Variants in MAPK10 observed in about 807,000 individuals in gnomAD.
MAPK10 encodes mitogen-activated protein kinase 10.
In MAPK10, 25 loss-of-function variants were observed where a neutral mutation model predicts 59.3. The observed-to-expected ratio is 0.42, with a 90% CI of 0.31 to 0.59. MAPK10 has a LOEUF of 0.59. Ranked by LOEUF, MAPK10 falls within the 20% of genes least tolerant of loss-of-function variation. The pLI is 0.15. For missense variants in MAPK10, 351 were observed against 568.9 expected, an observed-to-expected ratio of 0.62 and a Z score of 3.90; for synonymous variants, 190 against 200.5, an observed-to-expected ratio of 0.95 and a Z score of 0.44.
chr4:86,420,463 G>A (rs2149032865), intron 1 of MAPK10, among the ~76,000 whole-genome samples: 1 of 152,272 alleles, frequency 6.6e-6, no homozygotes, highest in Admixed American at 6.5e-5. Flanking sequence ...ATGGACTAAT[G>A]AAAAACTAAA....
intron 2 of MAPK10, among the ~76,000 whole-genome samples, chr4:86,216,040 A>G (rs1239760408): frequency 2.0e-5 from 3 of 152,080 alleles, no homozygotes; most frequent in African/African-American, 7.2e-5. Flanking sequence ...TAGTACAGCC[A>G]CCCTGGAAAA....
rs1426852046 is a variant in MAPK10 at position 86,410,183 on chromosome 4, G to C, written c.-122+42847C>G. On this transcript the variant is annotated intron_variant, in intron 1 of 13. Coordinates refer to the MAPK10 transcript ENST00000361569. ...TCATGTGGTTTTTGTCATTGGTTCT[G>C]TTTATGTGATGGATGATGTTTAGTG... 2.0e-5 allele frequency among the ~76,000 whole-genome samples: 3 copies of C among 152,294 alleles called. No individual in the cohort carries two copies. In the East Asian group the frequency reaches 5.8e-4, roughly 29 times the overall value.
At chr4:86,114,717 T>C (rs770385059) in intron 4 of MAPK10, among the ~76,000 whole-genome samples, 2 of 152,158 alleles carry the variant, frequency 1.3e-5, no homozygotes, top group African/African-American at 4.8e-5. Flanking sequence ...GCTGAGCAGG[T>C]TGGGCTGTGC....
At chr4:86,326,252 G>A (rs2096020314) in intron 2 of MAPK10, 1 of 152,244 alleles carries the variant, frequency 6.6e-6, no homozygotes, top group South Asian at 2.1e-4. Flanking sequence ...GGCAGAAGAT[G>A]AGGCTGGCAA....
chr4:86,205,212 C>A (rs528019623), intron 2 of MAPK10, among the ~76,000 whole-genome samples: 16 of 151,950 alleles, frequency 1.1e-4, no homozygotes, highest in African/African-American at 3.6e-4. Flanking sequence ...AACAAAATAG[C>A]CTTTAAGGCA....
At chr4:86,174,276 A>G (rs1257422039) in intron 3 of MAPK10, among the ~76,000 whole-genome samples, 1 of 152,254 alleles carries the variant, frequency 6.6e-6, no homozygotes, top group Non-Finnish European at 1.5e-5. Context: ...ACACCGTGGA[A>G]TACTACGCAG....
intron 1 of MAPK10, among the ~76,000 whole-genome samples, chr4:86,555,890 T>C (rs1392982556): frequency 6.6e-6 from 1 of 152,194 alleles, no homozygotes; most frequent in African/African-American, 2.4e-5. Flanking sequence ...TTTGACTAGA[T>C]ATAAATATAT....
chr4:86,277,626 A>C (rs2094627374), intron 2 of MAPK10, among the ~76,000 whole-genome samples: 1 of 152,140 alleles, frequency 6.6e-6, no homozygotes, highest in Non-Finnish European at 1.5e-5. Flanking sequence ...TTAAGTGTTA[A>C]GTTATATTTG....
At chr4:86,296,917 G>A (rs568042207) in intron 2 of MAPK10, among the ~76,000 whole-genome samples, 29 of 152,210 alleles carry the variant, frequency 1.9e-4, no homozygotes, top group African/African-American at 6.5e-4. Flanking sequence ...TGTATTCTTC[G>A]TATTGGAGGA....
At chr4:86,251,552 C>T (rs2148713654) in intron 2 of MAPK10, among the ~76,000 whole-genome samples, 1 of 134,460 alleles carries the variant, frequency 7.4e-6, no homozygotes, top group South Asian at 2.7e-4. Context: ...ATATGTGCCA[C>T]ATTTTCTTAA....
chr4:86,311,711 T>G (rs2095672544), intron 2 of MAPK10, among the ~76,000 whole-genome samples: 1 of 152,072 alleles, frequency 6.6e-6, no homozygotes, highest in Non-Finnish European at 1.5e-5. Flanking sequence ...GTCACATGCC[T>G]CTCTAAAAAG....
intron 1 of MAPK10, among the ~76,000 whole-genome samples, chr4:86,470,657 A>G (rs1302110445): frequency 6.6e-6 from 1 of 151,748 alleles, no homozygotes; most frequent in Non-Finnish European, 1.5e-5. Flanking sequence ...TTCATTCTAT[A>G]TCTTGCTACT....
intron 2 of MAPK10, among the ~76,000 whole-genome samples, chr4:86,289,848 T>C (rs376537476): frequency 2.0e-5 from 3 of 152,164 alleles, no homozygotes; most frequent in East Asian, 3.9e-4. Flanking sequence ...TTCTGTGGGA[T>C]GGAAGAGCAG....
In MAPK10 at chr4:86,423,772, T is replaced by TATATATATAC. The variant is rs1554262352; in HGVS notation, c.-122+29257_-122+29258insGTATATATAT. On this transcript the variant is annotated intron_variant, in intron 1 of 13. Transcript: ENST00000361569. ...AAGTAATTAGTGGGATATATATACA[T>TATATATATAC]ATATATATATATATATATATATATG... Among the ~76,000 whole-genome samples the TATATATATAC allele has an allele frequency of 4.0e-5, 3 of 75,082 alleles. No homozygotes were observed. The East Asian group carries it at 1.3e-3, about 34-fold the overall frequency. 49.3% of individuals were successfully genotyped at this position (75,082 alleles called of 152,430 possible).
At chr4:86,537,446 T>C (rs1182109189) in intron 1 of MAPK10, among the ~76,000 whole-genome samples, 1 of 152,216 alleles carries the variant, frequency 6.6e-6, no homozygotes, top group Non-Finnish European at 1.5e-5. Context: ...GCACCCAGCA[T>C]GCAAATCATG....
At chr4:86,443,583 G>A (rs769491521) in intron 1 of MAPK10, among the ~76,000 whole-genome samples, 2 of 151,714 alleles carry the variant, frequency 1.3e-5, no homozygotes, top group Admixed American at 1.3e-4. Flanking sequence ...CTAATCACAG[G>A]ACTATTGAGC....
At chr4:86,152,983 G>C (rs1365479233) in intron 4 of MAPK10, among the ~76,000 whole-genome samples, 1 of 152,098 alleles carries the variant, frequency 6.6e-6, no homozygotes, top group South Asian at 2.1e-4. Flanking sequence ...TAACTTGTTA[G>C]ATATTTATAT....
chr4:86,329,264 C>A (rs149156947), intron 2 of MAPK10, among the ~76,000 whole-genome samples: 2 of 152,132 alleles, frequency 1.3e-5, no homozygotes, highest in African/African-American at 2.4e-5. Context: ...TTAAAGTGTA[C>A]GAAATGTTGT....
intron 2 of MAPK10, among the ~76,000 whole-genome samples, chr4:86,229,319 T>C (rs2091178694): frequency 6.6e-6 from 1 of 152,216 alleles, no homozygotes; most frequent in Non-Finnish European, 1.5e-5. Flanking sequence ...TGAAATTTTG[T>C]TATAATAAAA....
Sources: gnomAD v4.1 joint callset for allele counts (sites outside exome capture counted in the v4.1 genomes callset) on GRCh38, gnomAD v4.1.1 for gene constraint, MANE v1.5 for transcripts, NCBI Gene and HGNC (gene_info 2026-07-23, HGNC 2026-07-21) for gene names.